Variants in KIAA1217 observed in about 807,000 individuals in gnomAD.
The protein encoded by KIAA1217 is sickle tail protein homolog.
A neutral mutation model predicts 163.9 loss-of-function variants in KIAA1217; 88 were observed. The observed-to-expected ratio is 0.54, with a 90% CI of 0.45 to 0.64. The LOEUF (loss-of-function observed/expected upper bound fraction) is 0.64, where lower values mean the gene tolerates loss of function less well. Ranked by LOEUF, KIAA1217 falls within the 30% of genes least tolerant of loss-of-function variation. KIAA1217 has a pLI of 0.00. For missense variants in KIAA1217, 2,372 were observed against 2,475.0 expected, an observed-to-expected ratio of 0.96 and a Z score of 0.88; for synonymous variants, 903 against 923.1, an observed-to-expected ratio of 0.98 and a Z score of 0.39.
At chr10:24,289,500 G>A (rs964356942) in intron 2 of KIAA1217, among the ~76,000 whole-genome samples, 1 of 152,140 alleles carries the variant, frequency 6.6e-6, no homozygotes, top group African/African-American at 2.4e-5. Context: ...GAAGATCGCA[G>A]TTGGGGCTGA....
At position 24,175,581 on chromosome 10, in the gene KIAA1217, G is replaced by A. The variant is rs533315035; in HGVS notation, c.-170-44045G>A. On this transcript the variant is annotated intron_variant, in intron 2 of 18. Transcript: ENST00000376462. Reference sequence around the variant, plus strand: ...TTTTGAGTAGTATTCCATTGTGTACGGAATTGGTGGGTTCTTGGGCTCACT... The same window carrying A: ...TTTTGAGTAGTATTCCATTGTGTACAGAATTGGTGGGTTCTTGGGCTCACT... Among the ~76,000 whole-genome samples the A allele has an allele frequency of 2.0e-4, 31 of 152,178 alleles. No individual in the cohort carries two copies. In the South Asian group the frequency reaches 4.6e-3, roughly 22 times the overall value.
intron 1 of KIAA1217, among the ~76,000 whole-genome samples, chr10:24,217,606 C>T (rs1488844161): frequency 6.6e-6 from 1 of 152,168 alleles, no homozygotes; most frequent in Non-Finnish European, 1.5e-5. Flanking sequence ...GTTCTATATA[C>T]AGATCTTTCT....
chr10:24,473,799 C>T lies in KIAA1217; in HGVS notation c.1418C>T (p.Ala473Val). Residue 473 changes from alanine (A) to valine (V), a missense_variant, in exon 6 of 21, where the codon GCC (alanine) becomes GTC (valine). By Grantham distance (64) the Ala-to-Val change is moderately conservative (BLOSUM62 0). Coordinates refer to ENST00000376454, the MANE Select transcript of KIAA1217 (RefSeq NM_019590.5). ...LPTLGSKTPP[A>V]SPHRVSDLRM... ...ACACTGGGCTCCAAAACACCCCCTG[C>T]CTCTCCTCACAGAGTCAGTGACCTG... 6.2e-7 allele frequency: 1 copy of T among 1,614,144 alleles called. No homozygotes were observed. Among genetic ancestry groups the T allele is most frequent in the Non-Finnish European group, 8.5e-7 (1 of 1,180,028 alleles).
chr10:24,495,298 G>A (rs918574720), intron 8 of KIAA1217, 102 bp downstream of exon 8: 9 of 923,180 alleles, frequency 9.7e-6, no homozygotes, highest in South Asian at 6.3e-5. Flanking sequence ...CACGTATTTG[G>A]TATGATGTCA....
chr10:24,216,515 C>A (rs1031906900), intron 1 of KIAA1217, among the ~76,000 whole-genome samples: 17 of 151,994 alleles, frequency 1.1e-4, no homozygotes, highest in African/African-American at 4.1e-4. Flanking sequence ...CAAAACTAAT[C>A]TTCCAATTCC....
At chr10:24,334,654 T>A in intron 2 of KIAA1217, among the ~76,000 whole-genome samples, 1 of 152,214 alleles carries the variant, frequency 6.6e-6, no homozygotes, top group East Asian at 1.9e-4. Flanking sequence ...GTCTTCTTGG[T>A]GCCTCTCAGC....
At chr10:24,365,133 A>G (rs1217992299) in intron 2 of KIAA1217, among the ~76,000 whole-genome samples, 2 of 152,050 alleles carry the variant, frequency 1.3e-5, no homozygotes, top group Non-Finnish European at 2.9e-5. Flanking sequence ...TTCAGATGAT[A>G]TTTGTCTAAA....
chr10:24,423,457 G>GT (rs1320788408), intron 3 of KIAA1217, among the ~76,000 whole-genome samples: 5 of 150,552 alleles, frequency 3.3e-5, no homozygotes, highest in South Asian at 2.1e-4. Flanking sequence ...GATAATTTTT[G>GT]TTTTTTTGTT....
intron 1 of KIAA1217, among the ~76,000 whole-genome samples, chr10:23,797,610 G>A (rs1836268127): frequency 6.6e-6 from 1 of 152,160 alleles, no homozygotes; most frequent in South Asian, 2.1e-4. Context: ...GGAAGGTGAA[G>A]AGGAAGCAAG....
chr10:24,501,993 C>G (rs976982610), intron 9 of KIAA1217, among the ~76,000 whole-genome samples: 2 of 151,964 alleles, frequency 1.3e-5, no homozygotes, highest in Non-Finnish European at 2.9e-5. Context: ...TCGTGATCCA[C>G]CTGCCTCGGC....
chr10:24,499,688 T>C (rs181258556), intron 8 of KIAA1217, among the ~76,000 whole-genome samples: 1 of 151,658 alleles, frequency 6.6e-6, no homozygotes, highest in East Asian at 2.0e-4. Flanking sequence ...GCCAAGATCA[T>C]GCCACTGCAC....
intron 2 of KIAA1217, among the ~76,000 whole-genome samples, chr10:24,252,932 C>G (rs1005089061): frequency 6.6e-6 from 1 of 151,218 alleles, no homozygotes; most frequent in Admixed American, 6.6e-5. Flanking sequence ...GCAGAAAGAT[C>G]GATTGAGCCC....
At chr10:24,275,553 A>G in intron 2 of KIAA1217, 1 of 431,216 alleles carries the variant, frequency 2.3e-6, no homozygotes, top group Non-Finnish European at 4.6e-6. Context: ...TTTGAGGGTC[A>G]CAAACAGATT....
At chr10:24,189,476 C>A (rs566868225) in intron 2 of KIAA1217, among the ~76,000 whole-genome samples, 1 of 152,158 alleles carries the variant, frequency 6.6e-6, no homozygotes, top group Non-Finnish European at 1.5e-5. Context: ...ATCTTCCCCC[C>A]AAACACACAT....
chr10:23,793,557 C>A (rs1027482484), intron 1 of KIAA1217, among the ~76,000 whole-genome samples: 1 of 144,160 alleles, frequency 6.9e-6, no homozygotes, highest in African/African-American at 2.9e-5. Flanking sequence ...AAATGTAGTA[C>A]AATTAAACGT....
chr10:24,004,020 C>T (rs1307811015), intron 1 of KIAA1217, among the ~76,000 whole-genome samples: 1 of 151,970 alleles, frequency 6.6e-6, no homozygotes, highest in Non-Finnish European at 1.5e-5. Flanking sequence ...CACTCTATTG[C>T]CCAGGCTGGA....
intron 2 of KIAA1217, among the ~76,000 whole-genome samples, chr10:24,168,842 C>A (rs2065481295): frequency 6.6e-6 from 1 of 152,172 alleles, no homozygotes; most frequent in Non-Finnish European, 1.5e-5. Context: ...TTTTTCTTTT[C>A]TTAAGCAAAG....
intron 2 of KIAA1217, among the ~76,000 whole-genome samples, chr10:24,091,637 A>G (rs552757105): frequency 2.6e-5 from 4 of 151,982 alleles, no homozygotes; most frequent in African/African-American, 4.8e-5. Flanking sequence ...CTGGGATCCA[A>G]TTGTGAACAT....
chr10:24,104,951 G>C (rs886208422), intron 2 of KIAA1217, among the ~76,000 whole-genome samples: 1 of 152,080 alleles, frequency 6.6e-6, no homozygotes, highest in African/African-American at 2.4e-5. Context: ...AATCAAAGTG[G>C]TTTCCCTCAA....
Sources: gnomAD v4.1 joint callset for allele counts (sites outside exome capture counted in the v4.1 genomes callset) on GRCh38, gnomAD v4.1.1 for gene constraint, MANE v1.5 for transcripts, NCBI Gene and HGNC (gene_info 2026-07-23, HGNC 2026-07-21) for gene names.